Variants in PELI2 observed in about 807,000 individuals in gnomAD.
The protein encoded by PELI2 is E3 ubiquitin-protein ligase pellino homolog 2.
A neutral mutation model predicts 42.3 loss-of-function variants in PELI2; 23 were observed. That is an observed-to-expected ratio of 0.54 (90% CI 0.39 to 0.77). The LOEUF (loss-of-function observed/expected upper bound fraction) is 0.77. Among genes scored for constraint, PELI2 ranks in the 30% least tolerant of loss-of-function variants. PELI2 has a pLI of 0.00. For synonymous variants in PELI2, 245 were observed against 212.2 expected (o/e 1.15, Z -1.34); for missense variants, 463 against 553.2 (o/e 0.84, Z 1.64).
intron 1 of PELI2, among the ~76,000 whole-genome samples, chr14:56,136,313 T>C (rs893613510): frequency 1.5e-4 from 23 of 152,210 alleles, no homozygotes; most frequent in African/African-American, 5.3e-4. Context: ...TGGATTTAGA[T>C]AGCATGGCAA....
rs1455314076 is a variant in PELI2 at position 56,263,725 on chromosome 14, G to A, written c.208-15951G>A. On this transcript the variant is annotated intron_variant, in intron 2 of 5. Coordinates refer to ENST00000267460, the MANE Select transcript of PELI2 (RefSeq NM_021255.3). ...TAATTGAAAGTGTACACAGAAGGATGACAGAAAATGAAAATAGTCTTATTG... is the reference window on the plus strand; with the variant it reads ...TAATTGAAAGTGTACACAGAAGGATAACAGAAAATGAAAATAGTCTTATTG... Among the ~76,000 whole-genome samples, 5 of 152,206 alleles carry A rather than the reference G, an allele frequency of 3.3e-5. No homozygotes were observed. In the East Asian group the frequency reaches 7.7e-4, roughly 24 times the overall value.
At chr14:56,149,827 T>C (rs1296700229) in intron 1 of PELI2, among the ~76,000 whole-genome samples, 2 of 152,198 alleles carry the variant, frequency 1.3e-5, no homozygotes, top group African/African-American at 4.8e-5. Flanking sequence ...AATACAAACA[T>C]TTTGTGTTTT....
At chr14:56,258,344 A>G (rs544242830) in intron 2 of PELI2, among the ~76,000 whole-genome samples, 3 of 152,196 alleles carry the variant, frequency 2.0e-5, no homozygotes, top group African/African-American at 7.2e-5. Flanking sequence ...AAAAATTACC[A>G]GAAACTCATG....
At chr14:56,230,432 T>A (rs558280157) in intron 2 of PELI2, among the ~76,000 whole-genome samples, 6 of 151,862 alleles carry the variant, frequency 4.0e-5, no homozygotes, top group Non-Finnish European at 8.8e-5. Flanking sequence ...CAGAAGAGAG[T>A]GGGGGCCAGT....
chr14:56,165,004 G>C (rs1316917499), intron 1 of PELI2, among the ~76,000 whole-genome samples: 1 of 147,776 alleles, frequency 6.8e-6, no homozygotes, highest in Non-Finnish European at 1.5e-5. Context: ...TTGTTGTATT[G>C]ATCTTTTGTA....
chr14:56,130,530 C>T (rs980394748), intron 1 of PELI2, among the ~76,000 whole-genome samples: 8 of 151,948 alleles, frequency 5.3e-5, no homozygotes, highest in Admixed American at 1.3e-4. Context: ...AAGAAGTTAC[C>T]AGTAAGGTGA....
At chr14:56,119,519 T>C (rs534853300) in intron 1 of PELI2, among the ~76,000 whole-genome samples, 165 of 152,298 alleles carry the variant, frequency 1.1e-3, no homozygotes, top group African/African-American at 3.3e-3. Context: ...CCGCCTCGGC[T>C]CCCTCTCTGC....
At chr14:56,260,330 A>G (rs1888668917) in intron 2 of PELI2, among the ~76,000 whole-genome samples, 1 of 152,214 alleles carries the variant, frequency 6.6e-6, no homozygotes, top group South Asian at 2.1e-4. Context: ...ACCAAGACAC[A>G]TAATGACATA....
chr14:56,272,975 T>C (rs986599389), intron 2 of PELI2, among the ~76,000 whole-genome samples: 1 of 152,202 alleles, frequency 6.6e-6, no homozygotes, highest in African/African-American at 2.4e-5. Flanking sequence ...CCTTGTAAGC[T>C]GATTGTTTCA....
chr14:56,169,931 G>A (rs936146209), intron 1 of PELI2, among the ~76,000 whole-genome samples: 3 of 152,276 alleles, frequency 2.0e-5, no homozygotes, highest in South Asian at 2.1e-4. Context: ...AATGTTAGGC[G>A]CTTATTGGCA....
intron 1 of PELI2, among the ~76,000 whole-genome samples, chr14:56,144,129 C>T (rs1595553215): frequency 6.6e-6 from 1 of 152,234 alleles, no homozygotes; most frequent in Non-Finnish European, 1.5e-5. Context: ...TTCTAGCCTT[C>T]TCTTTTCCCT....
At chr14:56,165,486 C>T (rs771834410) in intron 1 of PELI2, among the ~76,000 whole-genome samples, 1 of 152,102 alleles carries the variant, frequency 6.6e-6, no homozygotes, top group Non-Finnish European at 1.5e-5. Flanking sequence ...ACACATATGA[C>T]CTTGGACAGA....
intron 2 of PELI2, among the ~76,000 whole-genome samples, chr14:56,231,514 T>C (rs1054774775): frequency 2.0e-5 from 3 of 152,162 alleles, no homozygotes; most frequent in Non-Finnish European, 4.4e-5. Context: ...GACTACTGGG[T>C]ACATAACGAA....
intron 1 of PELI2, among the ~76,000 whole-genome samples, chr14:56,175,591 A>G (rs1171498445): frequency 6.6e-6 from 1 of 152,244 alleles, no homozygotes; most frequent in Admixed American, 6.5e-5. Context: ...TATTTCCAAT[A>G]GGATTTTTCA....
At chr14:56,175,418 T>A (rs1395975463) in intron 1 of PELI2, among the ~76,000 whole-genome samples, 1 of 152,230 alleles carries the variant, frequency 6.6e-6, no homozygotes, top group African/African-American at 2.4e-5. Flanking sequence ...TATTGTGCCT[T>A]TCTCTCCTTC....
At chr14:56,247,805 C>G (rs147211973) in intron 2 of PELI2, among the ~76,000 whole-genome samples, 176 of 152,312 alleles carry the variant, frequency 1.2e-3, no homozygotes, top group Middle Eastern at 6.8e-3. Context: ...AATGTCGAGA[C>G]AGACCTTGTC....
At chr14:56,243,582 A>T (rs1320988818) in intron 2 of PELI2, among the ~76,000 whole-genome samples, 1 of 152,214 alleles carries the variant, frequency 6.6e-6, no homozygotes, top group Non-Finnish European at 1.5e-5. Context: ...CAAATAGTGC[A>T]TGGCACATAG....
At position 56,197,203 on chromosome 14, in the gene PELI2, A is replaced by G. The variant is rs1886160750; in HGVS notation, c.207+18739A>G. On this transcript the variant is annotated intron_variant, in intron 2 of 5. Coordinates refer to ENST00000267460, the MANE Select transcript of PELI2 (RefSeq NM_021255.3). This position sits in a 1 kb window ranked among gnomAD's most constrained non-coding sequence, Gnocchi z 4.9. ...TCAAACAAATAAATATATAATATTCATTGGTGCTCAGCACTGTCAAGGAAA... is the reference window on the plus strand; with the variant it reads ...TCAAACAAATAAATATATAATATTCGTTGGTGCTCAGCACTGTCAAGGAAA... 6.6e-6 allele frequency among the ~76,000 whole-genome samples: 1 copy of G among 152,236 alleles called. No homozygotes were observed.
chr14:56,130,651 A>G (rs1425519923), intron 1 of PELI2, among the ~76,000 whole-genome samples: 1 of 152,092 alleles, frequency 6.6e-6, no homozygotes, highest in African/African-American at 2.4e-5. Flanking sequence ...AGAAAATTAA[A>G]TGTCTGTTTT....
Sources: allele counts gnomAD v4.1 joint callset (sites outside exome capture counted in the v4.1 genomes callset), GRCh38; gene constraint gnomAD v4.1.1; non-coding constraint Gnocchi (gnomAD v3.1); transcripts MANE v1.5; gene names NCBI Gene and HGNC (gene_info 2026-07-23, HGNC 2026-07-21).